Variants in TRAPPC12 observed in about 807,000 individuals in gnomAD.
The protein encoded by TRAPPC12 is trafficking protein particle complex subunit 12.
A neutral mutation model predicts 69.2 loss-of-function variants in TRAPPC12; 61 were observed. The ratio of observed to expected loss-of-function variants is 0.88; its 90% CI spans 0.72 to 1.09. The LOEUF is 1.09. Ranked by LOEUF, TRAPPC12 falls within the 50% of genes least tolerant of loss-of-function variation. TRAPPC12 has a pLI of 0.00. For missense variants in TRAPPC12, 1,101 were observed against 1,016.4 expected, an observed-to-expected ratio of 1.08 and a Z score of -1.13; for synonymous variants, 469 against 438.9, an observed-to-expected ratio of 1.07 and a Z score of -0.86.
In TRAPPC12 at chr2:3,465,081, C is replaced by T. The variant is rs552639714; in HGVS notation, c.1678-516C>T. On this transcript the variant is annotated intron_variant, in intron 8 of 11. Coordinates refer to ENST00000324266, the MANE Select transcript of TRAPPC12 (RefSeq NM_016030.6). ...TCACGCACTCTGCAAGGCCGACCTC[C>T]ATCACATACTCAGCCTCAGCAAACT... is the stretch of plus-strand genomic sequence containing the variant. 1.7e-4 allele frequency among the ~76,000 whole-genome samples: 26 copies of T among 151,184 alleles called. No homozygotes were observed. In the South Asian group the frequency reaches 5.3e-3, roughly 31 times the overall value.
chr2:3,390,247 G>A (rs138191064), intron 2 of TRAPPC12, among the ~76,000 whole-genome samples: 17 of 152,286 alleles, frequency 1.1e-4, no homozygotes, highest in African/African-American at 4.1e-4. Flanking sequence ...TATCAATCAT[G>A]ATCTACTGTT....
chr2:3,380,941 C>A (rs961204822), intron 1 of TRAPPC12, among the ~76,000 whole-genome samples: 2 of 152,190 alleles, frequency 1.3e-5, no homozygotes, highest in African/African-American at 4.8e-5. Context: ...AGCTAAGACT[C>A]AACACAGTTA....
chr2:3,410,515 C>T (rs1197802095), intron 3 of TRAPPC12, among the ~76,000 whole-genome samples: 1 of 152,056 alleles, frequency 6.6e-6, no homozygotes, highest in Non-Finnish European at 1.5e-5. Flanking sequence ...TTATGGAGTA[C>T]TTTATGTTTG....
At chr2:3,429,906 G>A (rs2103070746) in intron 5 of TRAPPC12, among the ~76,000 whole-genome samples, 1 of 152,264 alleles carries the variant, frequency 6.6e-6, no homozygotes, top group Non-Finnish European at 1.5e-5. Flanking sequence ...AGTACCCATT[G>A]CTGATACAGC....
chr2:3,401,937 T>C (rs746559129), intron 3 of TRAPPC12, 44 bp downstream of exon 3: 1 of 1,272,380 alleles, frequency 7.9e-7, no homozygotes, highest in Admixed American at 2.4e-5. Flanking sequence ...TTGTGATAAG[T>C]CCTGCCTGCC....
chr2:3,400,290 G>T (rs934188145), intron 2 of TRAPPC12, among the ~76,000 whole-genome samples: 1 of 149,452 alleles, frequency 6.7e-6, no homozygotes, highest in African/African-American at 2.5e-5. Flanking sequence ...GATGCTCACT[G>T]TCTCTGGCGT....
intron 4 of TRAPPC12, 129 bp from the exon 5 acceptor site, chr2:3,424,396 T>C: frequency 1.3e-6 from 1 of 785,542 alleles, no homozygotes; most frequent in Non-Finnish European, 2.0e-6. Flanking sequence ...TATGCAAAGA[T>C]AGAAAGTTAG....
chr2:3,438,695 G>C (rs2103091098), intron 5 of TRAPPC12, among the ~76,000 whole-genome samples: 1 of 151,976 alleles, frequency 6.6e-6, no homozygotes, highest in East Asian at 1.9e-4. Flanking sequence ...TACAGTATGT[G>C]GTCCTCAGAT....
Position 3,445,710 on chromosome 2 carries a change from T to A in TRAPPC12, c.1530+1819T>A, listed in dbSNP as rs137858929. Reference sequence around the variant, plus strand: ...GAGTTGAACCCAAGTCATCTGGCTCTAAAGTCCATGCTCTTCATCACTTGC... The same window carrying A: ...GAGTTGAACCCAAGTCATCTGGCTCAAAAGTCCATGCTCTTCATCACTTGC... On this transcript the variant is annotated intron_variant, in intron 6 of 11. Transcript: ENST00000324266. Among the ~76,000 whole-genome samples, 50 of 152,386 alleles carry A rather than the reference T, an allele frequency of 3.3e-4. No individual in the cohort carries two copies. In the East Asian group the frequency reaches 7.1e-3, roughly 22 times the overall value.
chr2:3,450,419 C>A (rs1018899231), intron 6 of TRAPPC12, among the ~76,000 whole-genome samples: 1 of 152,174 alleles, frequency 6.6e-6, no homozygotes, highest in African/African-American at 2.4e-5. Context: ...GTGAGAGTGG[C>A]TTTGGAGTCA....
chr2:3,407,036 AAT>A (rs1211686594), intron 3 of TRAPPC12, among the ~76,000 whole-genome samples: 1 of 152,194 alleles, frequency 6.6e-6, no homozygotes, highest in Non-Finnish European at 1.5e-5. Flanking sequence ...TGTGTCCTAA[AAT>A]AATTCGTGTT....
chr2:3,436,877 T>A (rs865866726), intron 5 of TRAPPC12, among the ~76,000 whole-genome samples: 3 of 40,488 alleles, frequency 7.4e-5, no homozygotes, highest in South Asian at 1.1e-3. Context: ...TGGATTAATC[T>A]CCCCACCACC....
intron 9 of TRAPPC12, among the ~76,000 whole-genome samples, chr2:3,475,502 T>TTTTTTTTTTTTTTTGAGA (rs1666254656): frequency 6.6e-6 from 1 of 151,202 alleles, no homozygotes; most frequent in African/African-American, 2.4e-5. Flanking sequence ...TTTAATTTTT[T>TTTTTTTTTTTTTTTGAGA]CAGTTGCTCC....
chr2:3,428,167 A>G (rs1420467291), intron 5 of TRAPPC12, among the ~76,000 whole-genome samples: 1 of 152,238 alleles, frequency 6.6e-6, no homozygotes, highest in Admixed American at 6.5e-5. Context: ...AAGCCTAGAA[A>G]ACATGCTTTG....
intron 4 of TRAPPC12, among the ~76,000 whole-genome samples, chr2:3,423,004 C>T (rs1318356754): frequency 6.6e-6 from 1 of 152,242 alleles, no homozygotes; most frequent in Non-Finnish European, 1.5e-5. Flanking sequence ...ACTGGGGAGA[C>T]TGAGGCAGGA....
At chr2:3,448,488 T>G (rs1457467509) in intron 6 of TRAPPC12, among the ~76,000 whole-genome samples, 1 of 152,134 alleles carries the variant, frequency 6.6e-6, no homozygotes, top group African/African-American at 2.4e-5. Context: ...TTCCAGTGGG[T>G]GAGGAGAGTC....
intron 5 of TRAPPC12, among the ~76,000 whole-genome samples, chr2:3,436,688 C>T (rs1663804449): frequency 6.6e-6 from 1 of 151,964 alleles, no homozygotes; most frequent in Middle Eastern, 3.4e-3. Context: ...TACTGTCATG[C>T]CGAATAGTTT....
chr2:3,406,174 T>C (rs751995523), intron 3 of TRAPPC12, among the ~76,000 whole-genome samples: 3 of 152,196 alleles, frequency 2.0e-5, no homozygotes, highest in Non-Finnish European at 4.4e-5. Flanking sequence ...TGTGGAACTG[T>C]CACTCACATG....
intron 3 of TRAPPC12, among the ~76,000 whole-genome samples, chr2:3,421,368 C>A (rs1662774699): frequency 6.6e-6 from 1 of 152,156 alleles, no homozygotes; most frequent in Admixed American, 6.5e-5. Context: ...ATGTTGTGTT[C>A]ACCCAGTTCA....
Sources: allele counts gnomAD v4.1 joint callset (sites outside exome capture counted in the v4.1 genomes callset), GRCh38; gene constraint gnomAD v4.1.1; transcripts MANE v1.5; gene names NCBI Gene and HGNC (gene_info 2026-07-23, HGNC 2026-07-21).